Variants in PWWP3A observed in about 807,000 individuals in gnomAD.
The protein encoded by PWWP3A is PWWP domain containing 3A, DNA repair factor.
A neutral mutation model predicts 79.0 loss-of-function variants in PWWP3A; 53 were observed. The observed-to-expected ratio is 0.67, with a 90% CI of 0.54 to 0.84. The LOEUF (loss-of-function observed/expected upper bound fraction) is 0.84, where lower values mean the gene tolerates loss of function less well. Ranked by LOEUF, PWWP3A falls within the 40% of genes least tolerant of loss-of-function variation. The pLI is 0.00. For missense variants in PWWP3A, 973 were observed against 948.0 expected, an observed-to-expected ratio of 1.03 and a Z score of -0.35; for synonymous variants, 443 against 394.4, an observed-to-expected ratio of 1.12 and a Z score of -1.46.
intron 7 of PWWP3A, 42 bp from the exon 8 acceptor site, chr19:1,366,263 C>A: frequency 6.3e-7 from 1 of 1,586,618 alleles, no homozygotes; most frequent in Non-Finnish European, 8.7e-7. Context: ...AATCCACGAT[C>A]TCTTTTGTTT....
Position 1,358,704 on chromosome 19 carries a change from A to G in PWWP3A, c.214+240A>G, listed in dbSNP as rs369976178. On this transcript the variant is annotated intron_variant, in intron 4 of 13. Transcript: ENST00000591337. ...TTGACGCCCAGAATGGTCAGTGGTG[A>G]GCATCAAGGTCATCTCGTACCCCCG... 3.3e-6 allele frequency: 5 copies of G among 1,512,636 alleles called. No individual in the cohort carries two copies. In the East Asian group the frequency reaches 1.0e-4, roughly 31 times the overall value. The allele number at this position is 1,512,636 out of a possible 1,614,324, so 93.7% of individuals were successfully genotyped here. A position where few individuals can be genotyped will look rare whatever the true frequency, so the allele number is the denominator to read the frequency against.
rs1020824791 is a variant in PWWP3A at position 1,371,032 on chromosome 19, C to T, written c.1940C>T (p.Thr647Ile). Residue 647 changes from threonine to isoleucine, a missense_variant, in exon 12 of 14, where the codon ACC (threonine) becomes ATC (isoleucine). By Grantham distance (89) the Thr-to-Ile change is moderately conservative. Coordinates refer to ENST00000591337, the MANE Select transcript of PWWP3A (RefSeq NM_001369789.1). ...QEVGAKVLQRTNGDRIRFILD... is the reference protein window; with the variant it reads ...QEVGAKVLQRINGDRIRFILD... ...GTGGGGGCCAAGGTGCTCCAGCGCA[C>T]CAACGGCGACCGGATCCGGTTCATT... 12 of 1,573,718 alleles carry T rather than the reference C, an allele frequency of 7.6e-6. No individual in the cohort carries two copies. Among genetic ancestry groups the T allele is most frequent in the Middle Eastern group, 1.7e-4 (1 of 6,020 alleles).
intron 5 of PWWP3A, among the ~76,000 whole-genome samples, chr19:1,361,544 TA>T (rs1168267845): frequency 2.6e-5 from 4 of 152,386 alleles, no homozygotes; most frequent in Admixed American, 6.5e-5. Context: ...TAGCATCCTT[TA>T]TTTTTTAAAT....
At chr19:1,364,950 C>T (rs758591855) in intron 7 of PWWP3A, among the ~76,000 whole-genome samples, 8 of 152,118 alleles carry the variant, frequency 5.3e-5, no homozygotes, top group Admixed American at 1.3e-4. Context: ...GAAACCCTGA[C>T]TCTACTAAAA....
chr19:1,376,837 A>G lies in PWWP3A; in HGVS notation c.*261A>G. The G allele has an allele frequency of 2.5e-6, 1 of 404,604 alleles. No individual in the cohort carries two copies. Among genetic ancestry groups the G allele is most frequent in the Non-Finnish European group, 4.5e-6 (1 of 224,318 alleles). 25.1% of individuals were successfully genotyped at this position (404,604 alleles called of 1,614,324 possible). ...GATACCGTTCGGGAAAGGCTTTTGA[A>G]AGGACGGAAGCGTATTCACTGTGCG... On this transcript the variant is annotated 3_prime_UTR_variant, in exon 14 of 14. Coordinates refer to ENST00000591337, the MANE Select transcript of PWWP3A (RefSeq NM_001369789.1).
At chr19:1,359,843 C>T (rs1292489837) in intron 4 of PWWP3A, 2 of 268,758 alleles carry the variant, frequency 7.4e-6, no homozygotes, top group African/African-American at 2.2e-5. Flanking sequence ...ACATTTTGCT[C>T]ACGGTATTGT....
chr19:1,362,362 A>G lies in PWWP3A; in HGVS notation c.1213+11A>G. On this transcript the variant is annotated intron_variant, in intron 6 of 13. Coordinates refer to ENST00000591337, the MANE Select transcript of PWWP3A (RefSeq NM_001369789.1). ...TCCTTTTATACCACGGTAAGAAATG[A>G]TCAGGGGGCGCCGGCAGTCCTAACG... The G allele has an allele frequency of 1.2e-6, 2 of 1,610,092 alleles. No homozygotes were observed. Among genetic ancestry groups the G allele is most frequent in the Non-Finnish European group, 8.5e-7 (1 of 1,177,350 alleles).
intron 3 of PWWP3A, chr19:1,358,183 TAAAA>T: frequency 4.0e-6 from 2 of 502,768 alleles, no homozygotes; most frequent in Admixed American, 3.8e-5. Flanking sequence ...TTTTCTGTCT[TAAAA>T]GGAAAAAAAA....
chr19:1,373,074 C>G lies in PWWP3A; in HGVS notation c.1989C>G (p.Ala663=). ...TTGAGCCCCGTGCCCTCTCACAGGCCATCATCTGTGCGATCTCTGCGGTGG... is the reference window on the plus strand; with the variant it reads ...TTGAGCCCCGTGCCCTCTCACAGGCGATCATCTGTGCGATCTCTGCGGTGG... ...RFILDVLLPE[A]IICAISAVDE... The change falls in exon 13 of 14, where the codon GCC becomes GCG. Residue 663 remains alanine, a splice_region_variant and synonymous_variant. Transcript: ENST00000591337. 1 of 1,614,090 alleles carries G rather than the reference C, an allele frequency of 6.2e-7. No individual in the cohort carries two copies. Among genetic ancestry groups the G allele is most frequent in the Non-Finnish European group, 8.5e-7 (1 of 1,179,994 alleles).
Position 1,372,758 on chromosome 19 carries a change from G to A in PWWP3A, c.1987-314G>A, listed in dbSNP as rs553429389. ...GGCGACAGGGCGAGACTCTGTACCA[G>A]AAAAAACCGCCACCAAAAAAAAAAC... is the stretch of plus-strand genomic sequence containing the variant. On this transcript the variant is annotated intron_variant, in intron 12 of 13. Coordinates refer to ENST00000591337, the MANE Select transcript of PWWP3A (RefSeq NM_001369789.1). 3.3e-3 allele frequency: 896 copies of A among 270,558 alleles called. 2 individuals are homozygous for A. Among genetic ancestry groups the A allele is most frequent in the Non-Finnish European group, 4.8e-3 (686 of 141,998 alleles). 16.8% of individuals were successfully genotyped at this position (270,558 alleles called of 1,614,324 possible). A position where few individuals can be genotyped will look rare whatever the true frequency, so the allele number is the denominator to read the frequency against.
At chr19:1,367,619 C>G (rs930402754) in intron 9 of PWWP3A, among the ~76,000 whole-genome samples, 1 of 152,248 alleles carries the variant, frequency 6.6e-6, no homozygotes, top group Non-Finnish European at 1.5e-5. Flanking sequence ...GGGGGCGTCC[C>G]TAGCTCAGCG....
At chr19:1,355,483 CCA>C (rs1491060953) in intron 1 of PWWP3A, among the ~76,000 whole-genome samples, 64 of 53,540 alleles carry the variant, frequency 1.2e-3, no homozygotes, top group African/African-American at 1.6e-3. Flanking sequence ...CCTGGATTCC[CCA>C]CCCCCAACCG....
In PWWP3A at chr19:1,368,310, C is replaced by T. The variant is rs1050317690; in HGVS notation, c.1423-955C>T. ...CGTGCCTTAAACGCAGAAGGGCTGC[C>T]GTTTATATCAAAAACCCTGGGTTCT... On this transcript the variant is annotated intron_variant, in intron 9 of 13. Transcript: ENST00000591337. The surrounding 1 kb of genome is among the most constrained non-coding windows in gnomAD (Gnocchi z 4.7). 3.3e-5 allele frequency among the ~76,000 whole-genome samples: 5 copies of T among 152,080 alleles called. No homozygotes were observed. The highest frequency in any genetic ancestry group is 5.9e-5 in the Non-Finnish European group (4 of 68,024).
chr19:1,371,502 T>A (rs2082259731), intron 12 of PWWP3A: 1 of 661,234 alleles, frequency 1.5e-6, no homozygotes, highest in South Asian at 1.7e-5. Flanking sequence ...ATGCGCCTCA[T>A]ACTCTGATAA....
chr19:1,361,883 C>T (rs918559895), intron 5 of PWWP3A: 25 of 217,188 alleles, frequency 1.2e-4, no homozygotes, highest in Middle Eastern at 3.8e-3. Context: ...CCTGTCCTGG[C>T]CCCCTCCCTG....
In PWWP3A at chr19:1,360,962, G is replaced by A. The variant is rs2082001748; in HGVS notation, c.1041G>A (p.Pro347=). 24 of 1,476,058 alleles carry A rather than the reference G, an allele frequency of 1.6e-5. No individual in the cohort carries two copies. The highest frequency in any genetic ancestry group is 5.0e-5 in the East Asian group (2 of 39,754). 91.4% of individuals were successfully genotyped at this position (1,476,058 alleles called of 1,614,324 possible). A position where few individuals can be genotyped will look rare whatever the true frequency, so the allele number is the denominator to read the frequency against. ...VTPRSTARLG[P]PPSHASADAT... ...CGCGCAGCACCGCCAGGCTGGGCCC[G>A]CCTCCCTCCCACGCCTCTGCGGATG... The change falls in exon 5 of 14, where the codon CCG becomes CCA. Residue 347 remains proline, a synonymous_variant. Coordinates refer to ENST00000591337, the MANE Select transcript of PWWP3A (RefSeq NM_001369789.1). This position sits in a 1 kb window ranked among gnomAD's most constrained non-coding sequence, Gnocchi z 4.4.
chr19:1,373,143 G>A lies in PWWP3A; in HGVS notation c.2058G>A (p.Gly686=). The A allele has an allele frequency of 2.5e-6, 4 of 1,614,190 alleles. No individual in the cohort carries two copies. The highest frequency in any genetic ancestry group is 2.5e-6 in the Non-Finnish European group (3 of 1,180,018). ...YKTAEEKYIK[G]PSLSYREKEI... is the part of the protein sequence containing the mutation. ...CGGCTGAGGAGAAGTACATCAAGGGGCCTTCGCTGAGCTACCGGTAGGCCG... is the reference window on the plus strand; with the variant it reads ...CGGCTGAGGAGAAGTACATCAAGGGACCTTCGCTGAGCTACCGGTAGGCCG... The change falls in exon 13 of 14, where the codon GGG becomes GGA. Residue 686 remains glycine (G), a synonymous_variant. Coordinates refer to ENST00000591337, the MANE Select transcript of PWWP3A (RefSeq NM_001369789.1).
At chr19:1,375,468 T>C in intron 13 of PWWP3A, among the ~76,000 whole-genome samples, 1 of 132,290 alleles carries the variant, frequency 7.6e-6, no homozygotes, top group Non-Finnish European at 1.6e-5. Context: ...GTATATTATA[T>C]AAAATTTATA....
chr19:1,367,074 A>G, intron 8 of PWWP3A, 86 bp from the exon 9 acceptor site: 2 of 1,114,146 alleles, frequency 1.8e-6, no homozygotes, highest in Non-Finnish European at 2.6e-6. Flanking sequence ...AGCGGCCTCC[A>G]CTGATCTTAA....
Sources: allele counts gnomAD v4.1 joint callset (sites outside exome capture counted in the v4.1 genomes callset), GRCh38; gene constraint gnomAD v4.1.1; non-coding constraint Gnocchi (gnomAD v3.1); transcripts MANE v1.5; gene names NCBI Gene and HGNC (gene_info 2026-07-23, HGNC 2026-07-21).